Variants in CNBD2 observed in about 807,000 individuals in gnomAD.
CNBD2 encodes cyclic nucleotide-binding domain-containing protein 2.
In CNBD2, 64 loss-of-function variants were observed where a neutral mutation model predicts 63.7. That is an observed-to-expected ratio of 1.00 (90% CI 0.82 to 1.24). The LOEUF (loss-of-function observed/expected upper bound fraction) is 1.24. Ranked by LOEUF, CNBD2 falls within the 50% of genes most tolerant of loss-of-function variation. The probability of loss-of-function intolerance (pLI) is 0.00; values close to 1 mark genes in which losing one functional copy is unlikely to be tolerated. For synonymous variants in CNBD2, 229 were observed against 255.4 expected (o/e 0.90, Z 0.99); for missense variants, 691 against 713.5 (o/e 0.97, Z 0.36).
At position 36,030,578 on chromosome 20, in the gene CNBD2, A is replaced by G. The variant is rs1472238240; in HGVS notation, c.1661A>G (p.Tyr554Cys). 1.2e-6 allele frequency: 2 copies of G among 1,613,630 alleles called. No homozygotes were observed. Among genetic ancestry groups the G allele is most frequent in the African/African-American group, 1.3e-5 (1 of 74,746 alleles). ...RYPIFMAPQK[Y>C]LPPLRIVQAI... ...CCTATTTTTATGGCACCCCAGAAATACCTCCCCCCATTGAGGATTGTCCAA... is the reference window on the plus strand; with the variant it reads ...CCTATTTTTATGGCACCCCAGAAATGCCTCCCCCCATTGAGGATTGTCCAA... The change falls in exon 12 of 12, where the codon TAC becomes TGC. Residue 554 changes from tyrosine (Y) to cysteine (C), a missense_variant. Transcript: ENST00000373973.
At chr20:36,020,069 A>G (rs2057186878) in intron 10 of CNBD2, among the ~76,000 whole-genome samples, 1 of 151,746 alleles carries the variant, frequency 6.6e-6, no homozygotes, top group Non-Finnish European at 1.5e-5. Flanking sequence ...GATGTTAGAC[A>G]ATTTTTCTTT....
upstream of CNBD2, among the ~76,000 whole-genome samples, chr20:35,967,809 G>A (rs1334584529): frequency 6.6e-6 from 1 of 151,994 alleles, no homozygotes; most frequent in Admixed American, 6.6e-5. Flanking sequence ...GCTGAGATTG[G>A]GCCACTGCAC....
Position 35,995,185 on chromosome 20 carries a change from G to T in CNBD2, c.970+33G>T, listed in dbSNP as rs758547919. On this transcript the variant is annotated intron_variant, in intron 8 of 11. Coordinates refer to ENST00000373973, the MANE Select transcript of CNBD2 (RefSeq NM_001365709.1). ...GCCTTGGCCTGTCTGACAGCAGGGG[G>T]CGCCTGGGCCTGTCCTGTTTCCAGT... 4.8e-5 allele frequency: 71 copies of T among 1,466,238 alleles called. 1 individual carries two copies. In the Admixed American group the frequency reaches 1.2e-3, roughly 25 times the overall value. The allele number at this position is 1,466,238 out of a possible 1,614,324, so 90.8% of individuals were successfully genotyped here. A position where few individuals can be genotyped will look rare whatever the true frequency, so the allele number is the denominator to read the frequency against.
chr20:36,030,648 G>A lies in CNBD2; in HGVS notation c.1731G>A (p.Ter577=), dbSNP rs1296022803. 2 of 1,614,092 alleles carry A rather than the reference G, an allele frequency of 1.2e-6. No homozygotes were observed. The highest frequency in any genetic ancestry group is 2.2e-5 in the East Asian group (1 of 44,886). The part of the protein sequence containing the change: ...PRYKIRELLA[*] ...ACAAAATCCGAGAACTCTTGGCTTAGTGTAAGAGCACAGGGGTCCTTATTT... is the reference window on the plus strand; with the variant it reads ...ACAAAATCCGAGAACTCTTGGCTTAATGTAAGAGCACAGGGGTCCTTATTT... Residue 577 remains the stop codon, a stop_retained_variant, in exon 12 of 12, where the codon TAG becomes TAA. Coordinates refer to ENST00000373973, the MANE Select transcript of CNBD2 (RefSeq NM_001365709.1).
chr20:35,975,535 C>A (rs984870002), intron 2 of CNBD2, among the ~76,000 whole-genome samples: 1 of 150,618 alleles, frequency 6.6e-6, no homozygotes, highest in East Asian at 1.9e-4. Flanking sequence ...CTCCTGACCT[C>A]GTGATCCGCC....
upstream of CNBD2, among the ~76,000 whole-genome samples, chr20:35,965,545 C>T (rs1317697633): frequency 1.3e-5 from 2 of 152,082 alleles, no homozygotes; most frequent in African/African-American, 2.4e-5. Flanking sequence ...AAATGAGGCC[C>T]CAAGTAGTTA....
chr20:35,995,299 T>C, intron 8 of CNBD2, 147 bp downstream of exon 8: 1 of 553,402 alleles, frequency 1.8e-6, no homozygotes, highest in East Asian at 3.1e-5. Context: ...AAACCCAGTC[T>C]GCAAGGCCCT....
At chr20:35,987,607 G>A in intron 7 of CNBD2, 74 bp downstream of exon 7, 1 of 1,541,568 alleles carries the variant, frequency 6.5e-7, no homozygotes, top group Non-Finnish European at 8.9e-7. Flanking sequence ...GTGACCTGAT[G>A]GTCAGAGTTT....
upstream of CNBD2, among the ~76,000 whole-genome samples, chr20:35,967,793 C>T (rs2056358944): frequency 6.6e-6 from 1 of 152,064 alleles, no homozygotes; most frequent in Admixed American, 6.6e-5. Flanking sequence ...GCAGAGGTTG[C>T]AGTGAGCTGA....
At chr20:36,010,757 G>A (rs1033031410) in intron 9 of CNBD2, among the ~76,000 whole-genome samples, 1 of 148,730 alleles carries the variant, frequency 6.7e-6, no homozygotes. Flanking sequence ...GTGAGACTCC[G>A]TCTCAAAGAA....
At position 35,968,697 on chromosome 20, in the gene CNBD2, A is replaced by G; in HGVS notation, c.-66A>G. The G allele has an allele frequency of 1.5e-6, 2 of 1,339,502 alleles. No individual in the cohort carries two copies. Among genetic ancestry groups the G allele is most frequent in the South Asian group, 1.3e-5 (1 of 79,216 alleles). The allele number at this position is 1,339,502 out of a possible 1,614,324, so 83.0% of individuals were successfully genotyped here. ...TTCTAGTATTACTGGATTTTTGGGG[A>G]AAAATTTGTAGTCCTCCCCTTGAAA... On this transcript the variant is annotated 5_prime_UTR_variant, in exon 1 of 12. Coordinates refer to ENST00000373973, the MANE Select transcript of CNBD2 (RefSeq NM_001365709.1).
downstream of CNBD2, chr20:35,957,689 A>AACC (rs1201539351): frequency 7.2e-5 from 11 of 152,336 alleles, no homozygotes; most frequent in African/African-American, 2.2e-4. Flanking sequence ...CTTAAAATAT[A>AACC]CATTTATATT....
chr20:36,000,753 ATTTTTT>A (rs34139279), intron 8 of CNBD2, among the ~76,000 whole-genome samples: 32 of 121,610 alleles, frequency 2.6e-4, no homozygotes, highest in African/African-American at 8.3e-4. Flanking sequence ...TGTGTATGAA[ATTTTTT>A]TTTTTTTTTT....
intron 11 of CNBD2, among the ~76,000 whole-genome samples, chr20:36,027,442 A>C (rs2147381831): frequency 6.6e-6 from 1 of 152,314 alleles, no homozygotes; most frequent in East Asian, 1.9e-4. Context: ...ATTAGAGTAG[A>C]TCAGTATTTT....
chr20:35,990,743 G>C (rs1210428459), intron 7 of CNBD2, among the ~76,000 whole-genome samples: 2 of 152,116 alleles, frequency 1.3e-5, no homozygotes, highest in African/African-American at 2.4e-5. Context: ...TTGAGGCCAG[G>C]GGTTTGAGAC....
At chr20:35,986,615 C>T (rs1354195098) in intron 6 of CNBD2, among the ~76,000 whole-genome samples, 4 of 152,186 alleles carry the variant, frequency 2.6e-5, no homozygotes, top group African/African-American at 7.2e-5. Flanking sequence ...TGGCACTGAG[C>T]GTGTTCACCT....
Position 35,987,470 on chromosome 20 carries a change from C to T in CNBD2, c.792C>T (p.Phe264=). 2 of 1,614,166 alleles carry T rather than the reference C, an allele frequency of 1.2e-6. No individual in the cohort carries two copies. The highest frequency in any genetic ancestry group is 8.5e-7 in the Non-Finnish European group (1 of 1,180,012). ...TAGCCATGGCGAAGATAGAGAGGTT[C>T]TCGTATGGGCAGCTGATCTCAAAAG... ...QLVAMAKIER[F]SYGQLISKDF... The change falls in exon 7 of 12, where the codon TTC becomes TTT. Residue 264 remains phenylalanine (F), a synonymous_variant. Transcript: ENST00000373973.
chr20:35,957,744 G>A (rs569024028), downstream of CNBD2: 6 of 152,338 alleles, frequency 3.9e-5, no homozygotes, highest in East Asian at 9.6e-4. Flanking sequence ...GATGTCAGAA[G>A]ATGAAGGATT....
Position 35,973,084 on chromosome 20 carries a change from A to C in CNBD2, c.189+318A>C, listed in dbSNP as rs1398336079. On this transcript the variant is annotated intron_variant, in intron 2 of 11. Transcript: ENST00000373973. The stretch of plus-strand genomic sequence containing the variant: ...TCATGGCAGGGAAAGGTGGAGCAAA[A>C]TATGGGCTGAGAGGGAAGGAGACAA... 7 of 476,592 alleles carry C rather than the reference A, an allele frequency of 1.5e-5. No individual in the cohort carries two copies. The East Asian group carries it at 2.3e-4, about 15-fold the overall frequency. The allele number at this position is 476,592 out of a possible 1,614,324, so 29.5% of individuals were successfully genotyped here. A position where few individuals can be genotyped will look rare whatever the true frequency, so the allele number is the denominator to read the frequency against.
Sources: gnomAD v4.1 joint callset for allele counts (sites outside exome capture counted in the v4.1 genomes callset) on GRCh38, gnomAD v4.1.1 for gene constraint, MANE v1.5 for transcripts, NCBI Gene and HGNC (gene_info 2026-07-23, HGNC 2026-07-21) for gene names.